Variants in BMPR1A observed in about 807,000 individuals in gnomAD.
BMPR1A encodes the protein bone morphogenetic protein receptor type 1A.
BMPR1A carries 7 observed loss-of-function variants against 66.0 expected under a neutral mutation model. The observed-to-expected ratio is 0.11, with a 90% CI of 0.06 to 0.20. BMPR1A has a LOEUF of 0.20. BMPR1A is among the 10% of genes least tolerant of loss of function. The probability of loss-of-function intolerance (pLI) is 1.00; values close to 1 mark genes in which losing one functional copy is unlikely to be tolerated. For missense variants in BMPR1A, 408 were observed against 669.1 expected (o/e 0.61, Z 4.31); for synonymous variants, 200 against 229.7 (o/e 0.87, Z 1.17).
intron 1 of BMPR1A, among the ~76,000 whole-genome samples, chr10:86,814,941 A>G (rs1335188180): frequency 2.0e-5 from 3 of 152,072 alleles, no homozygotes; most frequent in Admixed American, 6.5e-5. Flanking sequence ...GCGCGCCACC[A>G]TGCTCGGCTA....
rs1843706925 is a variant in BMPR1A at position 86,924,021 on chromosome 10, A to G, written c.*302A>G. 2 of 447,034 alleles carry G rather than the reference A, an allele frequency of 4.5e-6. No individual in the cohort carries two copies. Among genetic ancestry groups the G allele is most frequent in the Non-Finnish European group, 4.1e-6 (1 of 241,454 alleles). The allele number at this position is 447,034 out of a possible 1,614,324, so 27.7% of individuals were successfully genotyped here. A position where few individuals can be genotyped will look rare whatever the true frequency, so the allele number is the denominator to read the frequency against. On this transcript the variant is annotated 3_prime_UTR_variant, in exon 13 of 13. Transcript: ENST00000372037. Reference sequence around the variant, plus strand: ...CAATCCTGATTAGTGTCTCCAGTCAAGCTCTGGGTACTGAATTGCCTGTTC... The same window carrying G: ...CAATCCTGATTAGTGTCTCCAGTCAGGCTCTGGGTACTGAATTGCCTGTTC...
chr10:86,885,570 C>T (rs1843058130), intron 3 of BMPR1A, among the ~76,000 whole-genome samples: 2 of 152,140 alleles, frequency 1.3e-5, no homozygotes, highest in Admixed American at 1.3e-4. Flanking sequence ...CTAGTGGCTA[C>T]CATATGGGAC....
At chr10:86,871,537 G>A (rs56683798) in intron 2 of BMPR1A, among the ~76,000 whole-genome samples, 5,147 of 152,248 alleles carry the variant, frequency 0.034, 303 homozygotes, top group African/African-American at 0.12. Flanking sequence ...AGGGCCAGGC[G>A]GTGGTGGCTC....
chr10:86,919,301 A>T lies in BMPR1A; in HGVS notation c.998A>T (p.Lys333Ile). Residue 333 changes from lysine (K) to isoleucine (I), a missense_variant, in exon 10 of 13, where the codon AAA becomes ATA. This residue lies in a region of BMPR1A where 23 missense variants were observed against 17.2 expected (regional missense o/e 1.34). Coordinates refer to ENST00000372037, the MANE Select transcript of BMPR1A (RefSeq NM_004329.3). Reference sequence around the variant, plus strand: ...ACACTGGACACCAGAGCCCTGCTTAAATTGGCTTATTCAGCTGCCTGTGGT... The same window carrying T: ...ACACTGGACACCAGAGCCCTGCTTATATTGGCTTATTCAGCTGCCTGTGGT... ...CATLDTRALL[K>I]LAYSAACGLC... is the part of the protein sequence containing the mutation. 1 of 1,613,954 alleles carries T rather than the reference A, an allele frequency of 6.2e-7. No homozygotes were observed. The highest frequency in any genetic ancestry group is 8.5e-7 in the Non-Finnish European group (1 of 1,179,870).
chr10:86,881,744 A>T (rs7922846), intron 3 of BMPR1A, among the ~76,000 whole-genome samples: 61,528 of 152,134 alleles, frequency 0.4, 15,046 homozygotes, highest in East Asian at 0.7. Flanking sequence ...CCCAATGTCT[A>T]CAAGTAAATC....
At chr10:86,778,378 A>G (rs1841385815) in intron 1 of BMPR1A, among the ~76,000 whole-genome samples, 1 of 152,032 alleles carries the variant, frequency 6.6e-6, no homozygotes, top group East Asian at 1.9e-4. Flanking sequence ...TCCTGAGCTC[A>G]AGCAGTCTGC....
intron 9 of BMPR1A, 61 bp from the exon 10 acceptor site, chr10:86,919,111 A>T (rs892222745): frequency 1.7e-5 from 27 of 1,591,672 alleles, no homozygotes; most frequent in Non-Finnish European, 2.2e-5. Context: ...CAGAATGAGC[A>T]TTACTTCTCC....
chr10:86,854,093 C>T (rs369914590), intron 2 of BMPR1A, among the ~76,000 whole-genome samples: 46 of 152,312 alleles, frequency 3.0e-4, no homozygotes, highest in African/African-American at 1.1e-3. Flanking sequence ...CCCTCAGGGG[C>T]ACATTCTCTT....
At chr10:86,816,547 A>G (rs1407463044) in intron 1 of BMPR1A, among the ~76,000 whole-genome samples, 1 of 152,206 alleles carries the variant, frequency 6.6e-6, no homozygotes, top group Non-Finnish European at 1.5e-5. Flanking sequence ...GATGGGGATT[A>G]AGCGAAAGTC....
intron 1 of BMPR1A, among the ~76,000 whole-genome samples, chr10:86,818,122 G>A (rs1004898672): frequency 6.6e-5 from 10 of 152,250 alleles, no homozygotes; most frequent in Admixed American, 3.3e-4. Context: ...GGGTTCAAAC[G>A]ATTCTCCTGC....
At chr10:86,758,565 G>A (rs1847918168) in intron 1 of BMPR1A, among the ~76,000 whole-genome samples, 1 of 152,060 alleles carries the variant, frequency 6.6e-6, no homozygotes, top group Admixed American at 6.6e-5. Context: ...CTGTCTTGTT[G>A]CTGCTTTTCC....
intron 1 of BMPR1A, among the ~76,000 whole-genome samples, chr10:86,775,254 A>C (rs1841327561): frequency 6.6e-6 from 1 of 152,228 alleles, no homozygotes; most frequent in Admixed American, 6.5e-5. Flanking sequence ...GTTCCTGTAC[A>C]CCAGCAATAG....
chr10:86,929,021 G>A (rs1426201583), downstream of BMPR1A: 1 of 151,484 alleles, frequency 6.6e-6, no homozygotes, highest in Non-Finnish European at 1.5e-5. Context: ...TAGCCATTGA[G>A]AACTTTTTTT....
At chr10:86,851,390 A>G (rs959897392) in intron 2 of BMPR1A, among the ~76,000 whole-genome samples, 2 of 152,218 alleles carry the variant, frequency 1.3e-5, no homozygotes, top group African/African-American at 4.8e-5. Context: ...GACAGTGGCA[A>G]TTACATTGCT....
In BMPR1A at chr10:86,917,256, T is replaced by C. The variant is rs1439711488; in HGVS notation, c.798T>C (p.Thr266=). 6.2e-7 allele frequency: 1 copy of C among 1,613,846 alleles called. No individual in the cohort carries two copies. The highest frequency in any genetic ancestry group is 1.3e-5 in the African/African-American group (1 of 74,906). ...EKVAVKVFFT[T]EEASWFRETE... is the part of the protein sequence containing the mutation. ...TGGCGGTGAAAGTATTCTTTACCAC[T>C]GAAGAAGCCAGCTGGTTTCGAGAAA... Residue 266 remains threonine, a synonymous_variant, in exon 9 of 13, where the codon ACT becomes ACC. Coordinates refer to ENST00000372037, the MANE Select transcript of BMPR1A (RefSeq NM_004329.3).
chr10:86,885,977 T>C (rs1843062082), intron 3 of BMPR1A, among the ~76,000 whole-genome samples: 1 of 152,238 alleles, frequency 6.6e-6, no homozygotes, highest in Admixed American at 6.5e-5. Flanking sequence ...CATGTGTCTC[T>C]TGTAACTGTT....
At chr10:86,929,677 A>C (rs1014489798), downstream of BMPR1A, 40 of 152,258 alleles carry the variant, frequency 2.6e-4, no homozygotes, top group African/African-American at 8.4e-4. Flanking sequence ...CTGGTAAAGA[A>C]GACTCAGTGA....
intron 2 of BMPR1A, among the ~76,000 whole-genome samples, chr10:86,845,231 T>C (rs1842467770): frequency 6.6e-6 from 1 of 152,158 alleles, no homozygotes; most frequent in South Asian, 2.1e-4. Flanking sequence ...ATGGGAAAAG[T>C]GAGACAGAGA....
chr10:86,794,116 T>C lies in BMPR1A; in HGVS notation c.-268+37197T>C, dbSNP rs899055076. 2.6e-5 allele frequency among the ~76,000 whole-genome samples: 4 copies of C among 152,220 alleles called. No homozygotes were observed. In the South Asian group the frequency reaches 8.3e-4, roughly 32 times the overall value. ...CTTAGTCACACATCTGCAAAGTCCC[T>C]TTTGCCATTTAAATAACATATTCAT... On this transcript the variant is annotated intron_variant, in intron 1 of 12. Transcript: ENST00000372037.
Sources: gnomAD v4.1 joint callset for allele counts (sites outside exome capture counted in the v4.1 genomes callset) on GRCh38, gnomAD v4.1.1 for gene constraint, gnomAD v4.1.1 regional missense constraint, MANE v1.5 for transcripts, NCBI Gene and HGNC (gene_info 2026-07-23, HGNC 2026-07-21) for gene names.